Variants in COL4A3 observed in about 807,000 individuals in gnomAD.
The protein encoded by COL4A3 is collagen alpha-3(IV) chain.
Under a neutral mutation model 217.4 loss-of-function variants are expected in COL4A3, and 135 were observed. The ratio of observed to expected loss-of-function variants is 0.62; its 90% confidence interval spans 0.54 to 0.72. The LOEUF (loss-of-function observed/expected upper bound fraction) is 0.72, where lower values mean the gene tolerates loss of function less well. Ranked by LOEUF, COL4A3 falls within the 30% of genes least tolerant of loss-of-function variation. The pLI is 0.00. For synonymous variants in COL4A3, 690 were observed against 736.3 expected, an observed-to-expected ratio of 0.94 and a Z score of 1.02; for missense variants, 1,868 against 2,119.9, an observed-to-expected ratio of 0.88 and a Z score of 2.33.
chr2:227,256,842 A>G (rs2125943858), intron 17 of COL4A3, among the ~76,000 whole-genome samples: 1 of 152,300 alleles, frequency 6.6e-6, no homozygotes, highest in East Asian at 1.9e-4. Context: ...ATGTGTAGTC[A>G]TGTGTTGCTT....
chr2:227,223,081 G>C (rs1255204557), intron 1 of COL4A3, among the ~76,000 whole-genome samples: 1 of 152,110 alleles, frequency 6.6e-6, no homozygotes. Context: ...AAGTTCTGGG[G>C]ATGAATCTTA....
chr2:227,237,585 A>G (rs2068770820), intron 1 of COL4A3, among the ~76,000 whole-genome samples: 1 of 152,196 alleles, frequency 6.6e-6, no homozygotes. Context: ...GACAGCAGCA[A>G]TTTCTTATGA....
intron 7 of COL4A3, 130 bp downstream of exon 7, chr2:227,246,868 C>A: frequency 1.2e-6 from 1 of 818,880 alleles, no homozygotes; most frequent in Non-Finnish European, 2.2e-6. Flanking sequence ...AGACATTCAA[C>A]TAATAGTTAG....
intron 1 of COL4A3, among the ~76,000 whole-genome samples, chr2:227,190,660 C>A (rs1485016487): frequency 6.6e-6 from 1 of 152,148 alleles, no homozygotes; most frequent in Non-Finnish European, 1.5e-5. Context: ...AATCCCAGCA[C>A]TTTGGGGAGG....
In COL4A3 at chr2:227,276,399, C is replaced by A. The variant is rs1273999671; in HGVS notation, c.1942C>A (p.Leu648Ile). Residue 648 changes from leucine to isoleucine, a missense_variant, in exon 27 of 52, where the codon CTC (leucine) becomes ATC (isoleucine). This residue lies in a region of COL4A3 where 1,503 missense variants were observed against 1,786.1 expected (regional missense o/e 0.84). Coordinates refer to ENST00000396578, the MANE Select transcript of COL4A3 (RefSeq NM_000091.5). The part of the protein sequence containing the change: ...PPGEAGPRGE[L>I]SVSTPVPGPP... The stretch of plus-strand genomic sequence containing the variant: ...ATTTCCTTAAGGCCCTAGGGGAGAG[C>A]TCAGTGTTTCAACACCAGTTCCAGG... The A allele has an allele frequency of 1.2e-6, 2 of 1,613,894 alleles. No homozygotes were observed. The highest frequency in any genetic ancestry group is 2.7e-5 in the African/African-American group (2 of 74,916).
At chr2:227,270,614 A>G (rs544702663) in intron 24 of COL4A3, among the ~76,000 whole-genome samples, 156 bp from the exon 25 acceptor site, 1 of 152,352 alleles carries the variant, frequency 6.6e-6, no homozygotes, top group African/African-American at 2.4e-5. Context: ...AACAAAGCAA[A>G]ACAAACAAAA....
At position 227,272,648 on chromosome 2, in the gene COL4A3, T is replaced by C. The variant is rs116390470; in HGVS notation, c.1759-301T>C. On this transcript the variant is annotated intron_variant, in intron 25 of 51. Transcript: ENST00000396578. ...ATCACCACTAAAGTCATTTGAACTA[T>C]TGGTCAATTTGAACATAGTTTTAGT... is the stretch of plus-strand genomic sequence containing the variant. 0.013 allele frequency among the ~76,000 whole-genome samples: 1,941 copies of C among 152,330 alleles called. 16 individuals are homozygous for C. Among genetic ancestry groups the C allele is most frequent in the Middle Eastern group, 0.027 (8 of 294 alleles).
At chr2:227,243,845 T>A (rs917692299) in intron 3 of COL4A3, among the ~76,000 whole-genome samples, 5 of 152,232 alleles carry the variant, frequency 3.3e-5, no homozygotes, top group African/African-American at 1.2e-4. Flanking sequence ...ATTTTGTTAA[T>A]AGAGTGTTTC....
At chr2:227,294,903 A>C (rs1234442653) in intron 39 of COL4A3, 61 bp from the exon 40 acceptor site, 27 of 1,353,584 alleles carry the variant, frequency 2.0e-5, no homozygotes, top group Non-Finnish European at 2.6e-5. Context: ...ACTGGCAAGA[A>C]ATAAATCCTC....
intron 1 of COL4A3, among the ~76,000 whole-genome samples, chr2:227,236,794 G>T (rs1437413653): frequency 6.6e-6 from 1 of 151,920 alleles, no homozygotes; most frequent in Non-Finnish European, 1.5e-5. Flanking sequence ...GGAGTAGCTG[G>T]AATTACAGGA....
At chr2:227,309,786 TTTTG>T (rs1253787457) in intron 50 of COL4A3, among the ~76,000 whole-genome samples, 3 of 151,750 alleles carry the variant, frequency 2.0e-5, no homozygotes, top group Non-Finnish European at 4.4e-5. Flanking sequence ...ATTTTTGGTT[TTTTG>T]TTTGTTTTGT....
rs749383198 is a variant in COL4A3, at chr2:227,305,022, A to G, written c.4191A>G (p.Gly1397=). The G allele has an allele frequency of 2.0e-5, 32 of 1,613,888 alleles. No homozygotes were observed. The South Asian group carries it at 3.5e-4, about 18-fold the overall frequency. Residue 1397 remains glycine, a synonymous_variant, in exon 47 of 52, where the codon GGA becomes GGG. Coordinates refer to ENST00000396578, the MANE Select transcript of COL4A3 (RefSeq NM_000091.5). Reference sequence around the variant, plus strand: ...CAAGAGGTAAGCCAGGCAAGGATGGAAAACCAGGAACTCCTGGACCAGCTG... The same window carrying G: ...CAAGAGGTAAGCCAGGCAAGGATGGGAAACCAGGAACTCCTGGACCAGCTG... ...CGPRGKPGKD[G]KPGTPGPAGE...
Position 227,221,446 on chromosome 2 carries a change from T to C in COL4A3, c.88-16522T>C, listed in dbSNP as rs1279460605. ...GCCATCAGGACCACTTTTTTTTTTT[T>C]CGCATTCATCCTCAGCTCTCTTGCT... is the stretch of plus-strand genomic sequence containing the variant. On this transcript the variant is annotated intron_variant, in intron 1 of 51. Coordinates refer to ENST00000396578, the MANE Select transcript of COL4A3 (RefSeq NM_000091.5). 1.9e-4 allele frequency: 9 copies of C among 48,024 alleles called. No homozygotes were observed. In the South Asian group the frequency reaches 2.2e-3, roughly 12 times the overall value. 3.0% of individuals were successfully genotyped at this position (48,024 alleles called of 1,614,324 possible).
intron 11 of COL4A3, 28 bp downstream of exon 11, chr2:227,251,399 G>T: frequency 6.2e-7 from 1 of 1,608,072 alleles, no homozygotes; most frequent in South Asian, 1.1e-5. Context: ...TGATGTAACA[G>T]CTAGCACACC....
intron 1 of COL4A3, among the ~76,000 whole-genome samples, chr2:227,169,538 C>A (rs2065402265): frequency 6.6e-6 from 1 of 151,900 alleles, no homozygotes; most frequent in Admixed American, 6.6e-5. Flanking sequence ...TTCTCCACAT[C>A]CTCTCCAGCA....
At chr2:227,293,047 A>G in intron 37 of COL4A3, 144 bp from the exon 38 acceptor site, 1 of 1,074,182 alleles carries the variant, frequency 9.3e-7, no homozygotes, top group Non-Finnish European at 1.4e-6. Context: ...TCTTATTCCC[A>G]GCACCTATCA....
intron 1 of COL4A3, among the ~76,000 whole-genome samples, chr2:227,206,433 T>C (rs1034992827): frequency 5.9e-5 from 9 of 152,036 alleles, no homozygotes; most frequent in African/African-American, 2.2e-4. Context: ...CATCTTAGAC[T>C]TTGGTTCTGA....
intron 8 of COL4A3, among the ~76,000 whole-genome samples, chr2:227,247,943 A>AT (rs2069449646): frequency 6.6e-6 from 1 of 151,800 alleles, no homozygotes; most frequent in African/African-American, 2.4e-5. Flanking sequence ...TCCACTGTAA[A>AT]TTTTTTATTT....
rs765631114 is a variant in COL4A3 at position 227,290,112 on chromosome 2, A to G, written c.3070+24A>G. The stretch of plus-strand genomic sequence containing the variant: ...AGGTAATGCATAAGGTCCTGTTATG[A>G]GCCCACAAGCTCATGATGGGTGAGG... On this transcript the variant is annotated intron_variant, in intron 36 of 51. Transcript: ENST00000396578. 3.7e-6 allele frequency: 6 copies of G among 1,603,154 alleles called. No homozygotes were observed. In the South Asian group the frequency reaches 4.4e-5, roughly 12 times the overall value.
Sources: allele counts gnomAD v4.1 joint callset (sites outside exome capture counted in the v4.1 genomes callset), GRCh38; gene constraint gnomAD v4.1.1; regional missense constraint gnomAD v4.1.1; transcripts MANE v1.5; gene names NCBI Gene and HGNC (gene_info 2026-07-23, HGNC 2026-07-21).